TRIO: variants seen among roughly 807,000 people sequenced by gnomAD.
TRIO encodes the protein trio Rho guanine nucleotide exchange factor, also known as triple functional domain protein.
TRIO carries 58 observed loss-of-function variants against 351.9 expected under a neutral mutation model. The ratio of observed to expected loss-of-function variants is 0.16; its 90% CI spans 0.13 to 0.21. The LOEUF is 0.21. Ranked by LOEUF, TRIO falls within the 10% of genes least tolerant of loss-of-function variation. TRIO has a pLI of 1.00. For synonymous variants in TRIO, 1,758 were observed against 1,595.7 expected, an observed-to-expected ratio of 1.10 and a Z score of -2.42; for missense variants, 3,201 against 4,027.8, an observed-to-expected ratio of 0.79 and a Z score of 5.56.
At chr5:14,161,192 A>C (rs747712307) in intron 1 of TRIO, among the ~76,000 whole-genome samples, 1 of 152,180 alleles carries the variant, frequency 6.6e-6, no homozygotes, top group Non-Finnish European at 1.5e-5. Context: ...GGTGTGAGCT[A>C]CCATGCCTGG....
At chr5:14,473,960 A>G (rs377395963) in intron 39 of TRIO, 34 bp from the exon 40 acceptor site, 26 of 1,589,080 alleles carry the variant, frequency 1.6e-5, no homozygotes, top group Non-Finnish European at 2.2e-5. Flanking sequence ...GACATATTCC[A>G]TGAAATACAC....
intron 20 of TRIO, among the ~76,000 whole-genome samples, chr5:14,378,934 T>C (rs578204368): frequency 6.6e-6 from 1 of 152,316 alleles, no homozygotes; most frequent in East Asian, 1.9e-4. Flanking sequence ...ATCCCCTTCT[T>C]AAGTCATTTT....
At chr5:14,378,825 G>T (rs1266736656) in intron 20 of TRIO, among the ~76,000 whole-genome samples, 2 of 152,102 alleles carry the variant, frequency 1.3e-5, no homozygotes, top group South Asian at 2.1e-4. Flanking sequence ...CTCCCAAAGT[G>T]CTGGGATTAC....
rs377258439 is a variant in TRIO at position 14,420,036 on chromosome 5, G to A, written c.5203+15G>A. 1,769 of 1,605,986 alleles carry A rather than the reference G, an allele frequency of 1.1e-3. 1 individual carries two copies. Among genetic ancestry groups the A allele is most frequent in the Non-Finnish European group, 1.4e-3 (1,690 of 1,173,918 alleles). On this transcript the variant is annotated intron_variant, in intron 34 of 56. Coordinates refer to ENST00000344204, the MANE Select transcript of TRIO (RefSeq NM_007118.4). Reference sequence around the variant, plus strand: ...CAACCACAAAGGTAGGAATCAGTGGGGCATGGGTGGCAGACCCCTACTGGA... The same window carrying A: ...CAACCACAAAGGTAGGAATCAGTGGAGCATGGGTGGCAGACCCCTACTGGA...
At chr5:14,366,714 C>T (rs2152342460) in intron 15 of TRIO, 146 bp from the exon 16 acceptor site, 3 of 1,200,730 alleles carry the variant, frequency 2.5e-6, no homozygotes, top group Non-Finnish European at 3.5e-6. Flanking sequence ...CAGGCTGTTG[C>T]CTGGATTTTA....
rs34654449 is a variant in TRIO at position 14,330,646 on chromosome 5, AT to A, written c.1732-123del. The A allele has an allele frequency of 0.19, 210,378 of 1,133,288 alleles. 21,071 individuals are homozygous for A. The highest frequency in any genetic ancestry group is 0.27 in the Admixed American group (9,685 of 36,088). 70.2% of individuals were successfully genotyped at this position (1,133,288 alleles called of 1,614,324 possible). On this transcript the variant is annotated intron_variant, in intron 9 of 56. Transcript: ENST00000344204. The stretch of plus-strand genomic sequence containing the variant: ...AATTAGTATCCAATTACTTCTTCCC[AT>A]TTTTTTTTCTCGTTTGCTTCTTGTT...
intron 33 of TRIO, among the ~76,000 whole-genome samples, chr5:14,411,192 C>A (rs1339964273): frequency 6.6e-6 from 1 of 152,090 alleles, no homozygotes; most frequent in Admixed American, 6.6e-5. Flanking sequence ...ATTTTCCAGG[C>A]CTTATTATTT....
At chr5:14,154,291 T>G (rs1185416762) in intron 1 of TRIO, among the ~76,000 whole-genome samples, 1 of 152,016 alleles carries the variant, frequency 6.6e-6, no homozygotes, top group Non-Finnish European at 1.5e-5. Flanking sequence ...TGTGACACAT[T>G]AGAACACTAC....
At chr5:14,313,729 A>C (rs58716074) in intron 8 of TRIO, among the ~76,000 whole-genome samples, 4,967 of 152,258 alleles carry the variant, frequency 0.033, 289 homozygotes, top group African/African-American at 0.11. Flanking sequence ...CAGAGTCATC[A>C]ATAACTGCTA....
chr5:14,471,420 A>G lies in TRIO; in HGVS notation c.5866A>G (p.Ile1956Val), dbSNP rs1425578563. ...DNSLLSSSSPIDEMEERKSSS... is the reference protein window; with the variant it reads ...DNSLLSSSSPVDEMEERKSSS... ...TTCCCTTCTCTCTTCCTCCTCGCCCATTGATGAGATGGAAGAAAGGAAATC... is the reference window on the plus strand; with the variant it reads ...TTCCCTTCTCTCTTCCTCCTCGCCCGTTGATGAGATGGAAGAAAGGAAATC... The change falls in exon 38 of 57, where the codon ATT (isoleucine) becomes GTT (valine). Residue 1956 changes from isoleucine (I) to valine (V), a missense_variant. Transcript: ENST00000344204. 3 of 1,614,146 alleles carry G rather than the reference A, an allele frequency of 1.9e-6. No individual in the cohort carries two copies. The highest frequency in any genetic ancestry group is 2.5e-6 in the Non-Finnish European group (3 of 1,180,010).
chr5:14,360,422 A>G (rs1320592097), intron 13 of TRIO, among the ~76,000 whole-genome samples: 1 of 152,196 alleles, frequency 6.6e-6, no homozygotes, highest in Non-Finnish European at 1.5e-5. Flanking sequence ...GCTCTCCTGG[A>G]GTCTAGCCGC....
intron 1 of TRIO, among the ~76,000 whole-genome samples, chr5:14,211,258 A>G (rs537811342): frequency 1.3e-4 from 20 of 152,362 alleles, no homozygotes; most frequent in African/African-American, 4.8e-4. Flanking sequence ...AAGAATCATC[A>G]TCTCAAAGAT....
intron 16 of TRIO, among the ~76,000 whole-genome samples, chr5:14,368,129 A>G (rs1744761777): frequency 6.6e-6 from 1 of 152,216 alleles, no homozygotes; most frequent in Admixed American, 6.5e-5. Context: ...GCTGAGCAAA[A>G]TCCTACTGCA....
intron 3 of TRIO, among the ~76,000 whole-genome samples, chr5:14,285,396 T>A (rs1736353953): frequency 6.6e-6 from 1 of 151,830 alleles, no homozygotes; most frequent in African/African-American, 2.4e-5. Context: ...CATACAGGCA[T>A]TTTTTTGGGG....
chr5:14,475,835 G>A (rs1376817224), intron 40 of TRIO, among the ~76,000 whole-genome samples: 3 of 27,430 alleles, frequency 1.1e-4, no homozygotes, highest in African/African-American at 2.3e-4. Context: ...TCTGCGCAGC[G>A]GGGATAGTAA....
At chr5:14,164,797 A>T (rs1788670970) in intron 1 of TRIO, among the ~76,000 whole-genome samples, 1 of 152,202 alleles carries the variant, frequency 6.6e-6, no homozygotes, top group Non-Finnish European at 1.5e-5. Context: ...GAGGGATTTC[A>T]TCATTGGAGT....
intron 34 of TRIO, among the ~76,000 whole-genome samples, chr5:14,434,156 G>T (rs140317519): frequency 6.6e-6 from 1 of 152,270 alleles, no homozygotes; most frequent in African/African-American, 2.4e-5. Context: ...AGTAAATTTC[G>T]TGGGCATTAA....
At chr5:14,333,028 C>T (rs974718975) in intron 10 of TRIO, among the ~76,000 whole-genome samples, 17 of 152,174 alleles carry the variant, frequency 1.1e-4, no homozygotes, top group African/African-American at 3.4e-4. Context: ...CCAGTTTTTA[C>T]TAAAGACGGC....
chr5:14,318,477 A>C (rs2152307430), intron 9 of TRIO, among the ~76,000 whole-genome samples: 1 of 151,220 alleles, frequency 6.6e-6, no homozygotes. Flanking sequence ...AAAAAGACTG[A>C]ATGGCCCTGT....
Sources: gnomAD v4.1 joint callset for allele counts (sites outside exome capture counted in the v4.1 genomes callset) on GRCh38, gnomAD v4.1.1 for gene constraint, MANE v1.5 for transcripts, NCBI Gene and HGNC (gene_info 2026-07-23, HGNC 2026-07-21) for gene names.